Variants in NEK3 observed in about 807,000 individuals in gnomAD.
The protein encoded by NEK3 is NIMA related kinase 3.
In NEK3, 54 loss-of-function variants were observed where a neutral mutation model predicts 66.0. The ratio of observed to expected loss-of-function variants is 0.82; its 90% CI spans 0.66 to 1.03. NEK3 has a LOEUF of 1.03. NEK3 is among the 50% of genes least tolerant of loss of function. NEK3 has a pLI of 0.00. For missense variants in NEK3, 593 were observed against 603.0 expected (o/e 0.98, Z 0.17); for synonymous variants, 200 against 206.2 (o/e 0.97, Z 0.26).
chr13:52,156,015 T>TA (rs1186162187), intron 2 of NEK3, 60 bp downstream of exon 2: 2 of 1,177,482 alleles, frequency 1.7e-6, no homozygotes, highest in African/African-American at 3.1e-5. Flanking sequence ...GCCAAAAACT[T>TA]ATTCTTTTAT....
chr13:52,142,141 A>C (rs565961543), intron 10 of NEK3, among the ~76,000 whole-genome samples: 5 of 151,916 alleles, frequency 3.3e-5, no homozygotes, highest in African/African-American at 4.8e-5. Context: ...CTTCCAAACT[A>C]CCTTGAAATT....
intron 7 of NEK3, among the ~76,000 whole-genome samples, 196 bp from the exon 8 acceptor site, chr13:52,148,665 C>G (rs1016196760): frequency 1.3e-5 from 2 of 152,174 alleles, no homozygotes; most frequent in Admixed American, 6.5e-5. Context: ...ATCCCCACCC[C>G]CTTCAAATTG....
At chr13:52,149,085 G>C (rs890301963) in intron 7 of NEK3, among the ~76,000 whole-genome samples, 4 of 150,936 alleles carry the variant, frequency 2.7e-5, no homozygotes, top group Admixed American at 6.6e-5. Flanking sequence ...TGTTTTAGTA[G>C]AGACAGGGTT....
intron 7 of NEK3, among the ~76,000 whole-genome samples, chr13:52,149,336 A>T (rs1231263974): frequency 6.6e-6 from 1 of 152,084 alleles, no homozygotes; most frequent in East Asian, 1.9e-4. Flanking sequence ...TCAGCCTCCC[A>T]GGTAGTTGGG....
chr13:52,148,323 A>C, intron 8 of NEK3, 92 bp downstream of exon 8: 3 of 1,213,218 alleles, frequency 2.5e-6, no homozygotes, highest in Non-Finnish European at 3.6e-6. Flanking sequence ...ACTTCATCCT[A>C]GGGAAGCAAA....
At chr13:52,151,271 T>A (rs561941744) in intron 6 of NEK3, 39 bp from the exon 7 acceptor site, 1 of 1,595,438 alleles carries the variant, frequency 6.3e-7, no homozygotes, top group African/African-American at 1.3e-5. Context: ...TACAGAACAT[T>A]CCTGAAAATT....
intron 10 of NEK3, among the ~76,000 whole-genome samples, chr13:52,143,439 C>T (rs1366715297): frequency 2.0e-5 from 3 of 152,124 alleles, no homozygotes; most frequent in African/African-American, 4.8e-5. Flanking sequence ...CACACCATTA[C>T]AGTCGATAAA....
At chr13:52,157,200 G>A (rs1451338831) in intron 1 of NEK3, 1 of 152,200 alleles carries the variant, frequency 6.6e-6, no homozygotes, top group Non-Finnish European at 1.5e-5. Flanking sequence ...CATTCACTCA[G>A]ATTGCAGATT....
At chr13:52,149,866 C>T (rs1047789295) in intron 7 of NEK3, among the ~76,000 whole-genome samples, 3 of 96,196 alleles carry the variant, frequency 3.1e-5, no homozygotes, top group African/African-American at 8.7e-5. Flanking sequence ...GAGACTCTGT[C>T]TCAAAAAAAA....
At chr13:52,153,098 A>G (rs1230135431) in intron 4 of NEK3, among the ~76,000 whole-genome samples, 1 of 152,112 alleles carries the variant, frequency 6.6e-6, no homozygotes, top group South Asian at 2.1e-4. Context: ...ACATCAAAAG[A>G]TTTCATTATA....
chr13:52,146,190 G>T (rs114185520), intron 8 of NEK3, among the ~76,000 whole-genome samples: 1 of 151,902 alleles, frequency 6.6e-6, no homozygotes, highest in Non-Finnish European at 1.5e-5. Context: ...GTATATAGAA[G>T]CTTTTTGTAT....
At chr13:52,143,612 G>A (rs1956268832) in intron 10 of NEK3, among the ~76,000 whole-genome samples, 1 of 152,064 alleles carries the variant, frequency 6.6e-6, no homozygotes. Flanking sequence ...TCTTAGGTCA[G>A]GCAACAGAAG....
intron 11 of NEK3, 36 bp from the exon 12 acceptor site, chr13:52,136,938 C>T (rs1406132126): frequency 1.5e-6 from 2 of 1,351,036 alleles, no homozygotes; most frequent in Admixed American, 2.7e-5. Flanking sequence ...TTAAATAATG[C>T]TTGAATTGCC....
chr13:52,140,049 CAAAAAAA>C (rs34051162), intron 11 of NEK3, among the ~76,000 whole-genome samples: 1 of 86,656 alleles, frequency 1.2e-5, no homozygotes, highest in South Asian at 4.6e-4. Context: ...AAAAAAATGC[CAAAAAAA>C]AAAAAAAAAA....
At chr13:52,140,479 G>A (rs1412979414) in intron 11 of NEK3, among the ~76,000 whole-genome samples, 2 of 152,012 alleles carry the variant, frequency 1.3e-5, no homozygotes, top group East Asian at 2.0e-4. Context: ...ATGGTAGCGG[G>A]TGCCTGCAGT....
intron 7 of NEK3, among the ~76,000 whole-genome samples, chr13:52,150,907 GC>G (rs921976581): frequency 6.6e-6 from 1 of 152,158 alleles, no homozygotes; most frequent in Admixed American, 6.5e-5. Flanking sequence ...CTTTCTTTCA[GC>G]ATTTGCTCCT....
chr13:52,144,653 T>G (rs1407962177), intron 9 of NEK3, 38 bp downstream of exon 9: 1 of 1,554,632 alleles, frequency 6.4e-7, no homozygotes, highest in South Asian at 1.1e-5. Flanking sequence ...TACCATACAC[T>G]TGAAAACTGT....
Position 52,133,705 on chromosome 13 carries a change from G to A in NEK3, c.1420C>T (p.Leu474=). ...ILDPERLEPG[L]DEEDTDFEEE... ...ACAACGTACGTGTCCTCCTCATCTAGCCCAGGCTCAAGTCGCTCTGGATCC... is the reference window on the plus strand; with the variant it reads ...ACAACGTACGTGTCCTCCTCATCTAACCCAGGCTCAAGTCGCTCTGGATCC... Residue 474 remains leucine (L), a synonymous_variant, in exon 15 of 16, where the codon CTA becomes TTA. Transcript: ENST00000610828. 6.4e-7 allele frequency: 1 copy of A among 1,555,534 alleles called. No individual in the cohort carries two copies. The highest frequency in any genetic ancestry group is 8.7e-7 in the Non-Finnish European group (1 of 1,148,750).
chr13:52,144,833 G>C lies in NEK3; in HGVS notation c.662C>G (p.Pro221Arg), dbSNP rs1472872684. Residue 221 changes from proline (P) to arginine (R), a missense_variant, in exon 9 of 16, where the codon CCA (proline) becomes CGA (arginine). Transcript: ENST00000610828. Reference protein sequence around the residue: ...ILKVCQGCISPLPSHYSYELQ... With the variant: ...ILKVCQGCISRLPSHYSYELQ... ...TTCATAGGAGTAATGAGACGGCAGT[G>C]GACTGATGCACCCTTGACATACTTT... is the stretch of plus-strand genomic sequence containing the variant. 1.9e-6 allele frequency: 3 copies of C among 1,612,876 alleles called. No homozygotes were observed. In the East Asian group the frequency reaches 6.7e-5, roughly 36 times the overall value.
Sources: gnomAD v4.1 joint callset for allele counts (sites outside exome capture counted in the v4.1 genomes callset) on GRCh38, gnomAD v4.1.1 for gene constraint, MANE v1.5 for transcripts, NCBI Gene and HGNC (gene_info 2026-07-23, HGNC 2026-07-21) for gene names.